Variants in FASN observed in about 807,000 individuals in gnomAD.
The protein encoded by FASN is fatty acid synthase, also known as 3-hydroxyacyl-[acyl-carrier-protein] dehydratase.
FASN carries 50 observed loss-of-function variants against 250.0 expected under a neutral mutation model. The ratio of observed to expected loss-of-function variants is 0.20; its 90% CI spans 0.16 to 0.25. FASN has a LOEUF of 0.25. FASN is among the 10% of genes least tolerant of loss of function. The pLI is 1.00. For missense variants in FASN, 3,031 were observed against 3,498.5 expected (o/e 0.87, Z 3.37); for synonymous variants, 1,909 against 1,584.0 (o/e 1.21, Z -4.87).
At position 82,082,956 on chromosome 17, in the gene FASN, C is replaced by A; in HGVS notation, c.5725G>T (p.Val1909Leu). ...ELAQWLIQRG[V>L]QKLVLTSRSG... is the part of the protein sequence containing the mutation. ...CGAGAAGTCAACACGAGCTTCTGCA[C>A]CCCACGCTGTATCAGCCACTGCGCC... Residue 1909 changes from valine to leucine, a missense_variant, in exon 33 of 43, where the codon GTG becomes TTG. By Grantham distance (32) the Val-to-Leu change is conservative. Coordinates refer to ENST00000306749, the MANE Select transcript of FASN (RefSeq NM_004104.5). The A allele has an allele frequency of 6.2e-7, 1 of 1,612,844 alleles. No homozygotes were observed. Among genetic ancestry groups the A allele is most frequent in the Non-Finnish European group, 8.5e-7 (1 of 1,179,992 alleles).
rs1427491707 is a variant in FASN, at chr17:82,080,186, G to A, written c.7100C>T (p.Ala2367Val). The A allele has an allele frequency of 6.2e-7, 1 of 1,613,248 alleles. No homozygotes were observed. The highest frequency in any genetic ancestry group is 8.5e-7 in the Non-Finnish European group (1 of 1,180,018). ...PGCEAEAETE[A>V]ICFFVQQFTD... ...GAACTGCTGCACGAAGAAGCATATG[G>A]CCTCCGTCTCAGCCTCAGCCTCACA... Residue 2367 changes from alanine to valine, a missense_variant, in exon 41 of 43, where the codon GCC becomes GTC. Ala to Val is a moderately conservative substitution (Grantham distance 64). Coordinates refer to ENST00000306749, the MANE Select transcript of FASN (RefSeq NM_004104.5).
In FASN at chr17:82,092,723, T is replaced by G; in HGVS notation, c.868A>C (p.Ile290Leu). The G allele has an allele frequency of 6.2e-7, 1 of 1,601,154 alleles. No individual in the cohort carries two copies. ...TTGGTGCCTGTGCCGTGGGCTTCGA[T>G]GTATTCAAATGACTCAGGGGCCACT... ...AGVAPESFEY[I>L]EAHGTGTKVG... The change falls in exon 7 of 43, where the codon ATC becomes CTC. Residue 290 changes from isoleucine to leucine, a missense_variant. Coordinates refer to ENST00000306749, the MANE Select transcript of FASN (RefSeq NM_004104.5).
intron 1 of FASN, chr17:82,097,498 G>A (rs1256045625): frequency 3.3e-5 from 5 of 152,414 alleles, no homozygotes; most frequent in Admixed American, 3.3e-4. Context: ...CACCCGCTGC[G>A]ATTCACAGAG....
At chr17:82,083,713 G>A in intron 30 of FASN, 59 bp downstream of exon 30, 1 of 1,607,610 alleles carries the variant, frequency 6.2e-7, no homozygotes, top group South Asian at 1.1e-5. Flanking sequence ...GCCAGACCCT[G>A]CTTCTCCCTG....
At chr17:82,086,743 G>A (rs892166971) in intron 21 of FASN, among the ~76,000 whole-genome samples, 185 bp from the exon 22 acceptor site, 7 of 152,228 alleles carry the variant, frequency 4.6e-5, no homozygotes, top group Non-Finnish European at 5.9e-5. Flanking sequence ...CACTGTGGAC[G>A]CAGTGAGGGG....
Position 82,089,686 on chromosome 17 carries a change from G to A in FASN, c.1911C>T (p.Gly637=), listed in dbSNP as rs1240749348. The A allele has an allele frequency of 1.9e-6, 3 of 1,586,230 alleles. No homozygotes were observed. The highest frequency in any genetic ancestry group is 1.1e-5 in the South Asian group (1 of 87,680). The part of the protein sequence containing the change: ...WEECKQRCPP[G]VVPACHNSKD... ...TGGAGTTGTGGCAGGCGGGCACCAC[G>A]CCCGGGGGGCAGCGCTGTTTACACT... Residue 637 remains glycine, a synonymous_variant, in exon 12 of 43, where the codon GGC becomes GGT. Transcript: ENST00000306749.
In FASN at chr17:82,090,677, G is replaced by C; in HGVS notation, c.1681-113C>G. Reference sequence around the variant, plus strand: ...CCCCGCGCCCCATCGACCCTCCCAGGTCTCCTGATAGGAAAGAAGCCCCTA... The same window carrying C: ...CCCCGCGCCCCATCGACCCTCCCAGCTCTCCTGATAGGAAAGAAGCCCCTA... On this transcript the variant is annotated intron_variant, in intron 10 of 42. Transcript: ENST00000306749. The C allele has an allele frequency of 4.4e-6, 5 of 1,138,370 alleles. No homozygotes were observed. In the South Asian group the frequency reaches 6.6e-5, roughly 15 times the overall value. 70.5% of individuals were successfully genotyped at this position (1,138,370 alleles called of 1,614,324 possible).
chr17:82,080,617 C>A, intron 39 of FASN, 27 bp from the exon 40 acceptor site: 1 of 1,551,692 alleles, frequency 6.4e-7, no homozygotes, highest in Non-Finnish European at 8.7e-7. Context: ...GGGCACTCAG[C>A]ATGTGCAGGC....
At position 82,086,529 on chromosome 17, in the gene FASN, T is replaced by TGCCTG. The variant is rs780850551; in HGVS notation, c.3456_3457insCAGGC (p.Thr1153GlnfsTer7). On this transcript the variant is annotated frameshift_variant, in exon 22 of 43. Transcript: ENST00000306749. LOFTEE classifies it high-confidence loss of function. ...ACCACCATCTTCAGCCCCTGCTGGG[T>TGCCTG]CACCTTGGTCTGCAGTGCCTGCACC... 1 of 1,612,118 alleles carries TGCCTG rather than the reference T, an allele frequency of 6.2e-7. No individual in the cohort carries two copies. Among genetic ancestry groups the TGCCTG allele is most frequent in the Admixed American group, 1.7e-5 (1 of 60,020 alleles).
rs1465352684 is a variant in FASN at position 82,088,201 on chromosome 17, G to A, written c.2700C>T (p.Ala900=). 6.2e-7 allele frequency: 1 copy of A among 1,612,042 alleles called. No individual in the cohort carries two copies. The highest frequency in any genetic ancestry group is 1.3e-5 in the African/African-American group (1 of 74,940). The change falls in exon 17 of 43, where the codon GCC becomes GCT. Residue 900 remains alanine, a synonymous_variant. Transcript: ENST00000306749. ...GYLSIVWKTL[A]RALGLGVEQL... ...GCTCGACGCCCAGGCCCAGGGCGCG[G>A]GCCAGCGTCTTCCACACTATGCTCA... is the stretch of plus-strand genomic sequence containing the variant.
intron 11 of FASN, 95 bp from the exon 12 acceptor site, chr17:82,089,821 T>C (rs1337756264): frequency 1.8e-6 from 2 of 1,098,412 alleles, no homozygotes; most frequent in African/African-American, 3.1e-5. Flanking sequence ...GGGGCAGTAA[T>C]GACAAGTGTG....
At chr17:82,091,779 CA>C in intron 8 of FASN, 95 bp from the exon 9 acceptor site, 1 of 1,138,474 alleles carries the variant, frequency 8.8e-7, no homozygotes, top group Non-Finnish European at 1.2e-6. Flanking sequence ...CATGTGGGGC[CA>C]GGGTTCCAGG....
rs12450902 is a variant in FASN at position 82,095,204 on chromosome 17, G to A, written c.280+116C>T. The A allele has an allele frequency of 7.8e-3, 9,976 of 1,285,238 alleles. 721 individuals carry two copies. In the Admixed American group the frequency reaches 0.14, roughly 18 times the overall value. The allele number at this position is 1,285,238 out of a possible 1,614,324, so 79.6% of individuals were successfully genotyped here. ...CGTTGGCCAGGCCAGGGGCACAGCC[G>A]GGGAGGGTAGGTGGTGCCAGCACCT... On this transcript the variant is annotated intron_variant, in intron 3 of 42. Coordinates refer to ENST00000306749, the MANE Select transcript of FASN (RefSeq NM_004104.5).
In FASN at chr17:82,095,464, C is replaced by T. The variant is rs199926630; in HGVS notation, c.136G>A (p.Gly46Ser). ...DDRRWKAGLYGLPRRSGKLKD... is the reference protein window; with the variant it reads ...DDRRWKAGLYSLPRRSGKLKD... Reference sequence around the variant, plus strand: ...AGCTTGCCGGACCGCCGGGGCAGGCCGTAGAGCCCTGTGGGACAGGCGGGT... The same window carrying T: ...AGCTTGCCGGACCGCCGGGGCAGGCTGTAGAGCCCTGTGGGACAGGCGGGT... The change falls in exon 3 of 43, where the codon GGC (glycine) becomes AGC (serine). Residue 46 changes from glycine to serine, a missense_variant. Gly to Ser is a moderately conservative substitution (Grantham distance 56). Transcript: ENST00000306749. The T allele has an allele frequency of 9.3e-6, 15 of 1,612,230 alleles. No homozygotes were observed. Among genetic ancestry groups the T allele is most frequent in the East Asian group, 6.7e-5 (3 of 44,886 alleles).
chr17:82,090,326 A>G, intron 11 of FASN, 49 bp downstream of exon 11: 1 of 1,533,152 alleles, frequency 6.5e-7, no homozygotes, highest in Non-Finnish European at 8.8e-7. Flanking sequence ...CACAGCGAGA[A>G]GGCAGCCTCC....
chr17:82,091,486 G>C lies in FASN; in HGVS notation c.1228C>G (p.Pro410Ala), dbSNP rs751798961. The change falls in exon 9 of 43, where the codon CCG becomes GCG. Residue 410 changes from proline (P) to alanine (A), a missense_variant. By Grantham distance (27) the Pro-to-Ala change is conservative (BLOSUM62 -1). Transcript: ENST00000306749. ...GCATGTGGGGCGGGTGCGGGGGGCG[G>C]CTGCGTGTTGGGCCTCAGGATGATG... ...VHIILRPNTQ[P>A]PPAPAPHATL... is the part of the protein sequence containing the mutation. 3 of 1,604,422 alleles carry C rather than the reference G, an allele frequency of 1.9e-6. No individual in the cohort carries two copies. In the African/African-American group the frequency reaches 4.0e-5, roughly 21 times the overall value.
Position 82,081,513 on chromosome 17 carries a change from GAGGCGCAC to G in FASN, c.6406+80_6406+87del, listed in dbSNP as rs879170741. The stretch of plus-strand genomic sequence containing the variant: ...CCCTGGCTCTGCAGATGGGGAAACT[GAGGCGCAC>G]AGGGGCACGACTGCTATGTCCCAAG... On this transcript the variant is annotated intron_variant, in intron 37 of 42. Transcript: ENST00000306749. 8.1e-6 allele frequency: 13 copies of G among 1,596,764 alleles called. No individual in the cohort carries two copies. In the South Asian group the frequency reaches 1.2e-4, roughly 15 times the overall value.
intron 21 of FASN, among the ~76,000 whole-genome samples, 168 bp from the exon 22 acceptor site, chr17:82,086,726 T>G (rs547172061): frequency 1.3e-5 from 2 of 152,308 alleles, no homozygotes; most frequent in South Asian, 2.1e-4. Flanking sequence ...GGAGGCTGAC[T>G]CCTGCCCACT....
Position 82,098,213 on chromosome 17 carries a change from G to A in FASN, c.-100C>T, listed in dbSNP as rs1177073982. The A allele has an allele frequency of 1.4e-5, 5 of 368,778 alleles. No individual in the cohort carries two copies. Among genetic ancestry groups the A allele is most frequent in the Admixed American group, 4.6e-5 (1 of 21,634 alleles). 22.8% of individuals were successfully genotyped at this position (368,778 alleles called of 1,614,324 possible). A position where few individuals can be genotyped will look rare whatever the true frequency, so the allele number is the denominator to read the frequency against. ...TGAAGCGCGGCGGAGAGGGAGGCCG[G>A]GGCCGCTGCCGTCTCTCTGGCTCCC... On this transcript the variant is annotated 5_prime_UTR_variant, in exon 1 of 43. Coordinates refer to ENST00000306749, the MANE Select transcript of FASN (RefSeq NM_004104.5).
Sources: allele counts gnomAD v4.1 joint callset (sites outside exome capture counted in the v4.1 genomes callset), GRCh38; gene constraint gnomAD v4.1.1; transcripts MANE v1.5; gene names NCBI Gene and HGNC (gene_info 2026-07-23, HGNC 2026-07-21).